The following FRYL variants were observed in gnomAD, a reference collection of about 807,000 sequenced individuals.
The protein encoded by FRYL is FRY like transcription coactivator.
FRYL carries 150 observed loss-of-function variants against 351.2 expected under a neutral mutation model. The observed-to-expected ratio is 0.43, with a 90% confidence interval of 0.37 to 0.49. The LOEUF (loss-of-function observed/expected upper bound fraction) is 0.49, where lower values mean the gene tolerates loss of function less well. Ranked by LOEUF, FRYL falls within the 20% of genes least tolerant of loss-of-function variation. The pLI is 0.00. For synonymous variants in FRYL, 1,153 were observed against 1,257.1 expected (o/e 0.92, Z 1.75); for missense variants, 3,036 against 3,619.3 (o/e 0.84, Z 4.13).
chr4:48,763,103 C>T (rs7658881), intron 1 of FRYL, among the ~76,000 whole-genome samples: 129,074 of 132,634 alleles, frequency 0.97, 62,887 homozygotes, highest in East Asian at 1. Flanking sequence ...TTGTACAGAT[C>T]TGTAAAAAAA....
intron 1 of FRYL, among the ~76,000 whole-genome samples, chr4:48,760,082 G>C (rs1326096191): frequency 1.3e-5 from 2 of 151,836 alleles, no homozygotes; most frequent in African/African-American, 2.4e-5. Flanking sequence ...GGTATTTTTG[G>C]AGACTTTAAA....
intron 1 of FRYL, among the ~76,000 whole-genome samples, chr4:48,764,027 A>G (rs1774688996): frequency 6.6e-6 from 1 of 151,696 alleles, no homozygotes; most frequent in African/African-American, 2.4e-5. Flanking sequence ...AAATTAAGCC[A>G]GGCATTGTGG....
chr4:48,523,185 T>C (rs1319258351), intron 53 of FRYL, 81 bp from the exon 54 acceptor site: 7 of 927,274 alleles, frequency 7.5e-6, no homozygotes, highest in East Asian at 2.5e-5. Context: ...GAAAAACATA[T>C]ACCAAGATGA....
chr4:48,730,788 T>C (rs1162318273), intron 1 of FRYL, among the ~76,000 whole-genome samples: 5 of 152,116 alleles, frequency 3.3e-5, no homozygotes, highest in African/African-American at 1.2e-4. Context: ...AGACCATCAA[T>C]GCTATGAAGA....
At chr4:48,504,596 A>C (rs539688669) in intron 60 of FRYL, among the ~76,000 whole-genome samples, 2 of 152,222 alleles carry the variant, frequency 1.3e-5, no homozygotes, top group South Asian at 2.1e-4. Flanking sequence ...TTTTAACATT[A>C]GTGCAGGATT....
intron 3 of FRYL, chr4:48,637,294 A>G (rs1436609386): frequency 1.3e-5 from 2 of 152,072 alleles, no homozygotes; most frequent in Non-Finnish European, 2.9e-5. Context: ...TCAACTTTAT[A>G]TTTCATCATA....
intron 3 of FRYL, among the ~76,000 whole-genome samples, chr4:48,643,276 C>T (rs1345971534): frequency 6.6e-6 from 1 of 152,098 alleles, no homozygotes; most frequent in African/African-American, 2.4e-5. Flanking sequence ...GGGCTGAGTC[C>T]TCTGTAGCTT....
intron 35 of FRYL, among the ~76,000 whole-genome samples, chr4:48,553,652 TAAAAAAAA>T (rs948888541): frequency 2.8e-5 from 3 of 107,258 alleles, no homozygotes; most frequent in Non-Finnish European, 6.2e-5. Context: ...TTCTTTACTT[TAAAAAAAA>T]AAAAAAAAAA....
intron 3 of FRYL, chr4:48,653,662 AATG>A: frequency 8.4e-7 from 1 of 1,188,864 alleles, no homozygotes; most frequent in South Asian, 1.3e-5. Context: ...AAGGAATGGC[AATG>A]ATAATAATAC....
chr4:48,507,158 T>G (rs1170537366), intron 59 of FRYL, among the ~76,000 whole-genome samples: 2 of 152,228 alleles, frequency 1.3e-5, no homozygotes, highest in African/African-American at 4.8e-5. Context: ...ATTTTTATAC[T>G]GTGTACCTAA....
At chr4:48,713,018 C>A (rs1008199210) in intron 1 of FRYL, among the ~76,000 whole-genome samples, 1 of 152,164 alleles carries the variant, frequency 6.6e-6, no homozygotes, top group South Asian at 2.1e-4. Context: ...ACTTTACAGA[C>A]AAGCAAATGC....
intron 4 of FRYL, among the ~76,000 whole-genome samples, chr4:48,630,222 G>C (rs1030469365): frequency 2.0e-5 from 3 of 152,092 alleles, no homozygotes; most frequent in Non-Finnish European, 4.4e-5. Context: ...AGGCTCCTCT[G>C]TGTACACTGG....
At chr4:48,594,359 A>C (rs1379866931) in intron 15 of FRYL, among the ~76,000 whole-genome samples, 1 of 151,856 alleles carries the variant, frequency 6.6e-6, no homozygotes, top group African/African-American at 2.4e-5. Flanking sequence ...GTGAGTTCAT[A>C]CTGGGTCAGG....
At position 48,547,642 on chromosome 4, in the gene FRYL, A is replaced by G. The variant is rs752458165; in HGVS notation, c.5016T>C (p.Phe1672=). ...TGACTGTAAGCACCCTGGGCTCATT[A>G]AACTCCTTGTTCCTGAGAAGGACAG... ...VASVLLRNKE[F]NEPRVLTVKQ... is the part of the protein sequence containing the mutation. The change falls in exon 41 of 64, where the codon TTT becomes TTC. Residue 1672 remains phenylalanine (F), a synonymous_variant. Transcript: ENST00000358350. The G allele has an allele frequency of 5.0e-6, 8 of 1,606,986 alleles. 1 individual carries two copies. In the South Asian group the frequency reaches 8.9e-5, roughly 18 times the overall value.
chr4:48,698,391 C>A (rs1766408658), intron 2 of FRYL, among the ~76,000 whole-genome samples: 1 of 152,180 alleles, frequency 6.6e-6, no homozygotes, highest in Admixed American at 6.5e-5. Flanking sequence ...TTCCTGTAAG[C>A]CTCCCTGCCA....
At chr4:48,517,393 T>C (rs1365210170) in intron 55 of FRYL, among the ~76,000 whole-genome samples, 2 of 152,236 alleles carry the variant, frequency 1.3e-5, no homozygotes. Context: ...GTAGTTAGTA[T>C]TATATAACAT....
At chr4:48,713,970 C>T (rs1222499895) in intron 1 of FRYL, among the ~76,000 whole-genome samples, 1 of 151,996 alleles carries the variant, frequency 6.6e-6, no homozygotes, top group Non-Finnish European at 1.5e-5. Context: ...AAGAAACTCA[C>T]TCAAAACCGC....
chr4:48,728,807 C>T (rs1770373750), intron 1 of FRYL, among the ~76,000 whole-genome samples: 2 of 152,192 alleles, frequency 1.3e-5, no homozygotes, highest in South Asian at 2.1e-4. Flanking sequence ...GCAAGATCAA[C>T]GCAGAAGATG....
intron 1 of FRYL, among the ~76,000 whole-genome samples, chr4:48,731,794 CAA>C (rs1221090791): frequency 6.6e-6 from 1 of 152,082 alleles, no homozygotes; most frequent in Non-Finnish European, 1.5e-5. Flanking sequence ...CGAGATGGAT[CAA>C]AGACTTAAAC....
Sources: gnomAD v4.1 joint callset for allele counts (sites outside exome capture counted in the v4.1 genomes callset) on GRCh38, gnomAD v4.1.1 for gene constraint, MANE v1.5 for transcripts, NCBI Gene and HGNC (gene_info 2026-07-23, HGNC 2026-07-21) for gene names.